Variants in KAZN observed in about 807,000 individuals in gnomAD.
The protein encoded by KAZN is kazrin, periplakin interacting protein.
Under a neutral mutation model 87.4 loss-of-function variants are expected in KAZN, and 40 were observed. That is an observed-to-expected ratio of 0.46 (90% CI 0.36 to 0.60). KAZN has a LOEUF of 0.60. KAZN is among the 20% of genes least tolerant of loss of function. The probability of loss-of-function intolerance (pLI) is 0.00; values close to 1 mark genes in which losing one functional copy is unlikely to be tolerated. For missense variants in KAZN, 898 were observed against 1,073.9 expected, an observed-to-expected ratio of 0.84 and a Z score of 2.29; for synonymous variants, 466 against 458.3, an observed-to-expected ratio of 1.02 and a Z score of -0.22.
chr1:14,836,850 C>T (rs79675220), intron 1 of KAZN, among the ~76,000 whole-genome samples: 5,913 of 152,200 alleles, frequency 0.039, 146 homozygotes, highest in Middle Eastern at 0.071. Context: ...AAATATAATA[C>T]TTTTAAATGG....
chr1:15,019,314 C>A (rs995058833), intron 2 of KAZN, among the ~76,000 whole-genome samples: 3 of 152,234 alleles, frequency 2.0e-5, no homozygotes, highest in Non-Finnish European at 4.4e-5. Flanking sequence ...ACCAGACCCA[C>A]CCAGCCTGAA....
chr1:14,147,985 C>A (rs868837420), intron 1 of KAZN, among the ~76,000 whole-genome samples: 1 of 151,906 alleles, frequency 6.6e-6, no homozygotes, highest in African/African-American at 2.4e-5. Flanking sequence ...TTTAGGAGGC[C>A]GAGGTGGGAG....
chr1:14,796,686 C>G (rs1304899400), intron 1 of KAZN, among the ~76,000 whole-genome samples: 1 of 152,246 alleles, frequency 6.6e-6, no homozygotes, highest in Non-Finnish European at 1.5e-5. Context: ...CCAGGGAAGA[C>G]TCTCCATTGG....
At chr1:14,958,897 C>T (rs549816629) in intron 1 of KAZN, among the ~76,000 whole-genome samples, 1 of 152,266 alleles carries the variant, frequency 6.6e-6, no homozygotes, top group African/African-American at 2.4e-5. Context: ...CAGCGCAAGG[C>T]TGGTGAGTGC....
intron 8 of KAZN, among the ~76,000 whole-genome samples, chr1:15,074,960 G>A (rs528400697): frequency 9.2e-5 from 14 of 152,328 alleles, no homozygotes; most frequent in African/African-American, 3.4e-4. Context: ...AATGGCAATG[G>A]TGATCTCATT....
At chr1:13,957,824 G>A (rs1013884946) in intron 1 of KAZN, among the ~76,000 whole-genome samples, 5 of 152,056 alleles carry the variant, frequency 3.3e-5, no homozygotes, top group Non-Finnish European at 7.4e-5. Context: ...CTCTCATTAG[G>A]CCCCATCTCA....
At position 15,044,088 on chromosome 1, in the gene KAZN, G is replaced by A. The variant is rs1673212915; in HGVS notation, c.655G>A (p.Ala219Thr). The A allele has an allele frequency of 1.9e-6, 3 of 1,612,778 alleles. No individual in the cohort carries two copies. The highest frequency in any genetic ancestry group is 1.1e-5 in the South Asian group (1 of 90,966). Residue 219 changes from alanine (A) to threonine (T), a missense_variant, in exon 4 of 15, where the codon GCC (alanine) becomes ACC (threonine). Transcript: ENST00000376030. ...RRQAKEATDH[A>T]TALRSQLDLK... ...CCAAGCCAAGGAGGCCACAGACCAC[G>A]CCACGGCACTGCGCTCCCAGCTGGA... is the stretch of plus-strand genomic sequence containing the variant.
intron 1 of KAZN, among the ~76,000 whole-genome samples, chr1:14,926,075 A>G (rs1439202437): frequency 6.6e-6 from 1 of 152,240 alleles, no homozygotes; most frequent in Non-Finnish European, 1.5e-5. Context: ...AATGCATGTT[A>G]GTCCTCAGCT....
intron 1 of KAZN, among the ~76,000 whole-genome samples, chr1:14,787,060 G>A (rs976435616): frequency 1.3e-5 from 2 of 152,170 alleles, no homozygotes; most frequent in African/African-American, 4.8e-5. Context: ...CTTTCAACTT[G>A]GGATTTCTTG....
chr1:14,273,872 A>G (rs1652144497), intron 2 of KAZN, among the ~76,000 whole-genome samples: 1 of 152,164 alleles, frequency 6.6e-6, no homozygotes, highest in African/African-American at 2.4e-5. Flanking sequence ...GCTTTGATGA[A>G]AAGGATTTCC....
At chr1:14,058,210 G>T (rs1049955073) in intron 1 of KAZN, among the ~76,000 whole-genome samples, 10 of 152,032 alleles carry the variant, frequency 6.6e-5, no homozygotes, top group African/African-American at 2.4e-4. Flanking sequence ...AATTCCCATG[G>T]CTCTAGGGAC....
At chr1:14,337,893 C>CAA (rs34909839) in intron 2 of KAZN, among the ~76,000 whole-genome samples, 19 of 100,500 alleles carry the variant, frequency 1.9e-4, no homozygotes, top group Non-Finnish European at 3.0e-4. Context: ...GACTCTGTCT[C>CAA]AAAAAAAAAA....
At chr1:14,299,791 A>AC (rs1654403196) in intron 2 of KAZN, among the ~76,000 whole-genome samples, 1 of 152,230 alleles carries the variant, frequency 6.6e-6, no homozygotes, top group Non-Finnish European at 1.5e-5. Context: ...GCTTCTGCTC[A>AC]CATCACATTT....
chr1:14,909,333 C>T (rs1474968771), intron 1 of KAZN, among the ~76,000 whole-genome samples: 1 of 152,166 alleles, frequency 6.6e-6, no homozygotes, highest in African/African-American at 2.4e-5. Flanking sequence ...ACTATCTTGG[C>T]AAGGATTCCC....
chr1:13,920,376 C>T (rs1018997504), intron 1 of KAZN, among the ~76,000 whole-genome samples: 2 of 152,130 alleles, frequency 1.3e-5, no homozygotes, highest in African/African-American at 4.8e-5. Context: ...TTTACCTGTC[C>T]TGTACTCACA....
chr1:15,116,004 C>T lies in KAZN; in HGVS notation c.*1369C>T, dbSNP rs1298970932. The T allele has an allele frequency of 6.6e-6, 1 of 152,226 alleles. No individual in the cohort carries two copies. The highest frequency in any genetic ancestry group is 1.5e-5 in the Non-Finnish European group (1 of 68,048). 9.4% of individuals were successfully genotyped at this position (152,226 alleles called of 1,614,324 possible). A position where few individuals can be genotyped will look rare whatever the true frequency, so the allele number is the denominator to read the frequency against. On this transcript the variant is annotated 3_prime_UTR_variant, in exon 15 of 15. Transcript: ENST00000376030. The stretch of plus-strand genomic sequence containing the variant: ...GTTCAGACCTGCCAAGAGCCTCCAA[C>T]AGGGCTCAAGAAACATATAAATCCC...
chr1:14,296,573 A>T (rs1040131260), intron 2 of KAZN, among the ~76,000 whole-genome samples: 1 of 150,904 alleles, frequency 6.6e-6, no homozygotes, highest in African/African-American at 2.4e-5. Context: ...TATTCTGACC[A>T]CATATTTGAA....
At chr1:14,357,579 T>C (rs1257594434) in intron 2 of KAZN, among the ~76,000 whole-genome samples, 1 of 152,228 alleles carries the variant, frequency 6.6e-6, no homozygotes, top group African/African-American at 2.4e-5. Context: ...TAGCTCTTAT[T>C]ATTTTGAGAT....
intron 1 of KAZN, among the ~76,000 whole-genome samples, chr1:14,890,875 G>A (rs938889315): frequency 2.5e-5 from 3 of 117,990 alleles, no homozygotes; most frequent in East Asian, 2.5e-4. Flanking sequence ...AAGCAGTCTC[G>A]CTCTGTCGCC....
Sources: allele counts gnomAD v4.1 joint callset (sites outside exome capture counted in the v4.1 genomes callset), GRCh38; gene constraint gnomAD v4.1.1; transcripts MANE v1.5; gene names NCBI Gene and HGNC (gene_info 2026-07-23, HGNC 2026-07-21).